The following CCDC146 variants were observed in gnomAD, a reference collection of about 807,000 sequenced individuals.
CCDC146 encodes the protein coiled-coil domain containing 146, also known as coiled-coil domain-containing protein 146.
In CCDC146, 92 loss-of-function variants were observed where a neutral mutation model predicts 119.3. That is an observed-to-expected ratio of 0.77 (90% CI 0.65 to 0.92). The LOEUF (loss-of-function observed/expected upper bound fraction) is 0.92. CCDC146 is among the 40% of genes least tolerant of loss of function. The pLI, the probability that CCDC146 is intolerant of heterozygous loss-of-function variation, is 0.00. For synonymous variants in CCDC146, 372 were observed against 371.8 expected, an observed-to-expected ratio of 1.00 and a Z score of -0.01; for missense variants, 1,000 against 1,103.0, an observed-to-expected ratio of 0.91 and a Z score of 1.32.
At chr7:77,162,388 T>C (rs951097343) in intron 1 of CCDC146, among the ~76,000 whole-genome samples, 1 of 152,256 alleles carries the variant, frequency 6.6e-6, no homozygotes, top group African/African-American at 2.4e-5. Flanking sequence ...CCTAACACCC[T>C]GTATTGAAGA....
chr7:77,149,567 A>T (rs1286632108), intron 1 of CCDC146, among the ~76,000 whole-genome samples: 1 of 152,112 alleles, frequency 6.6e-6, no homozygotes, highest in Non-Finnish European at 1.5e-5. Context: ...GAAGTTCCAG[A>T]TCAGCCTATT....
At chr7:77,229,625 T>C (rs2150473730) in intron 2 of CCDC146, among the ~76,000 whole-genome samples, 1 of 152,304 alleles carries the variant, frequency 6.6e-6, no homozygotes, top group Non-Finnish European at 1.5e-5. Flanking sequence ...ATCAGATAGT[T>C]GTAGGTGTGC....
In CCDC146 at chr7:77,242,391, C is replaced by T. The variant is rs144788067; in HGVS notation, c.449+491C>T. The T allele has an allele frequency of 5.2e-4, 512 of 987,738 alleles. 2 individuals are homozygous for T. The African/African-American group carries it at 7.4e-3, about 14-fold the overall frequency. The allele number at this position is 987,738 out of a possible 1,614,324, so 61.2% of individuals were successfully genotyped here. A position where few individuals can be genotyped will look rare whatever the true frequency, so the allele number is the denominator to read the frequency against. On this transcript the variant is annotated intron_variant, in intron 4 of 18. Coordinates refer to ENST00000285871, the MANE Select transcript of CCDC146 (RefSeq NM_020879.3). The stretch of plus-strand genomic sequence containing the variant: ...ACAGGACCACATATGCAAACTTCAT[C>T]TCCTACTACTAGATTGTTCCTCAGG...
chr7:77,206,951 T>C (rs1160840638), intron 2 of CCDC146, among the ~76,000 whole-genome samples: 1 of 152,102 alleles, frequency 6.6e-6, no homozygotes, highest in African/African-American at 2.4e-5. Flanking sequence ...TCATGCCAAA[T>C]GCATGTCTTT....
chr7:77,282,781 T>A lies in CCDC146; in HGVS notation c.2144T>A (p.Ile715Asn). ...GATGCCGACCTAGCTGTGCTCCAAA[T>A]TCAGGTGGGTGAGTGATCACGGGAC... The part of the protein sequence containing the change: ...SLDADLAVLQ[I>N]QFSQCTDRIK... Residue 715 changes from isoleucine to asparagine, a missense_variant, in exon 15 of 19, where the codon ATT becomes AAT. Physicochemically the swap from Ile to Asn is moderately radical, Grantham distance 149. Transcript: ENST00000285871. The A allele has an allele frequency of 6.2e-7, 1 of 1,611,036 alleles. No homozygotes were observed. Among genetic ancestry groups the A allele is most frequent in the South Asian group, 1.1e-5 (1 of 90,976 alleles).
At chr7:77,271,515 T>G (rs1438841857) in intron 9 of CCDC146, among the ~76,000 whole-genome samples, 3 of 328 alleles carry the variant, frequency 9.1e-3, no homozygotes, top group Admixed American at 0.045. Context: ...TAATAGGAGA[T>G]ATATATATAT....
chr7:77,153,151 G>T (rs562290203), intron 1 of CCDC146, among the ~76,000 whole-genome samples: 57 of 152,316 alleles, frequency 3.7e-4, no homozygotes, highest in African/African-American at 1.3e-3. Context: ...AGGAGGAGGA[G>T]GTGGAAGAAG....
At chr7:77,176,715 A>C (rs1444325579) in intron 2 of CCDC146, among the ~76,000 whole-genome samples, 1 of 151,974 alleles carries the variant, frequency 6.6e-6, no homozygotes, top group Admixed American at 6.6e-5. Context: ...GCCATTATTT[A>C]CCTAATTTCA....
chr7:77,293,258 GCAA>G (rs113826533), intron 18 of CCDC146, 58 bp downstream of exon 18: 476,698 of 1,576,630 alleles, frequency 0.3, 77,002 homozygotes, highest in African/African-American at 0.56. Context: ...TTGCATTCAG[GCAA>G]CCCACAGTTA....
intron 1 of CCDC146, among the ~76,000 whole-genome samples, chr7:77,127,969 A>G (rs1790712570): frequency 1.3e-5 from 2 of 152,056 alleles, no homozygotes; most frequent in African/African-American, 4.8e-5. Context: ...CCCAATGACT[A>G]TATTATCATT....
At chr7:77,230,925 T>G (rs1432817617) in intron 2 of CCDC146, among the ~76,000 whole-genome samples, 1 of 152,150 alleles carries the variant, frequency 6.6e-6, no homozygotes. Context: ...TATACAGTAG[T>G]CCCCCCCACC....
chr7:77,160,708 T>C (rs1037126830), intron 1 of CCDC146, among the ~76,000 whole-genome samples: 9 of 152,218 alleles, frequency 5.9e-5, no homozygotes, highest in Non-Finnish European at 1.2e-4. Flanking sequence ...AATCATGTCA[T>C]CTGCAAACAG....
In CCDC146 at chr7:77,242,109, C is replaced by T. The variant is rs150330711; in HGVS notation, c.449+209C>T. On this transcript the variant is annotated intron_variant, in intron 4 of 18. Transcript: ENST00000285871. The stretch of plus-strand genomic sequence containing the variant: ...AATAAAAGCTCAGGTGACAGAGATG[C>T]CTGCTGTGTTTTTCATGTCAGGAAA... Among the ~76,000 whole-genome samples, 490 of 152,250 alleles carry T rather than the reference C, an allele frequency of 3.2e-3. 5 individuals are homozygous for T. The highest frequency in any genetic ancestry group is 5.0e-3 in the African/African-American group (207 of 41,526).
At chr7:77,246,457 T>A (rs1258652343) in intron 4 of CCDC146, 1 of 152,168 alleles carries the variant, frequency 6.6e-6, no homozygotes, top group African/African-American at 2.4e-5. Flanking sequence ...CTAAGGAGCT[T>A]TGATGTTGAA....
chr7:77,188,061 G>A (rs1261105663), intron 2 of CCDC146, among the ~76,000 whole-genome samples: 15 of 152,134 alleles, frequency 9.9e-5, no homozygotes, highest in African/African-American at 2.4e-5. Flanking sequence ...TCTGTACCTC[G>A]CTTCCGATTC....
intron 2 of CCDC146, among the ~76,000 whole-genome samples, chr7:77,228,260 A>G (rs1345225173): frequency 6.6e-6 from 1 of 152,218 alleles, no homozygotes; most frequent in African/African-American, 2.4e-5. Context: ...TCACCCAGGT[A>G]TTAAGCCTAG....
chr7:77,291,314 C>G (rs1793939025), intron 17 of CCDC146, among the ~76,000 whole-genome samples: 1 of 152,072 alleles, frequency 6.6e-6, no homozygotes, highest in Non-Finnish European at 1.5e-5. Context: ...ACCCCTAATT[C>G]CAGTTTTACT....
chr7:77,234,186 C>T (rs1251091438), intron 2 of CCDC146, among the ~76,000 whole-genome samples: 4 of 151,930 alleles, frequency 2.6e-5, no homozygotes, highest in African/African-American at 4.8e-5. Context: ...CACACACTCA[C>T]ATATTTACCT....
chr7:77,173,742 A>G (rs1261080605), intron 2 of CCDC146, among the ~76,000 whole-genome samples: 1 of 152,156 alleles, frequency 6.6e-6, no homozygotes, highest in African/African-American at 2.4e-5. Context: ...CTGCGTAACT[A>G]TGAGGCCTGG....
Sources: allele counts gnomAD v4.1 joint callset (sites outside exome capture counted in the v4.1 genomes callset), GRCh38; gene constraint gnomAD v4.1.1; transcripts MANE v1.5; gene names NCBI Gene and HGNC (gene_info 2026-07-23, HGNC 2026-07-21).